The following GRID2 variants were observed in gnomAD, a reference collection of about 807,000 sequenced individuals.
GRID2 encodes glutamate ionotropic receptor delta type subunit 2.
A neutral mutation model predicts 114.8 loss-of-function variants in GRID2; 33 were observed. The ratio of observed to expected loss-of-function variants is 0.29; its 90% CI spans 0.22 to 0.38. GRID2 has a LOEUF of 0.38. Among genes scored for constraint, GRID2 ranks in the 10% least tolerant of loss-of-function variants. The pLI, the probability that GRID2 is intolerant of heterozygous loss-of-function variation, is 1.00. For synonymous variants in GRID2, 505 were observed against 449.9 expected, an observed-to-expected ratio of 1.12 and a Z score of -1.55; for missense variants, 1,184 against 1,257.7, an observed-to-expected ratio of 0.94 and a Z score of 0.89.
chr4:92,538,462 C>G (rs1467522651), intron 1 of GRID2, among the ~76,000 whole-genome samples: 1 of 152,028 alleles, frequency 6.6e-6, no homozygotes, highest in Admixed American at 6.6e-5. Context: ...TGTAAGAAAA[C>G]AAAACAAAGG....
chr4:92,642,463 C>G (rs889445720), intron 2 of GRID2, among the ~76,000 whole-genome samples: 1 of 151,788 alleles, frequency 6.6e-6, no homozygotes, highest in Non-Finnish European at 1.5e-5. Context: ...ATGTCCTTTT[C>G]CCATTTTTAA....
At chr4:92,312,343 T>C (rs1725751061) in intron 1 of GRID2, among the ~76,000 whole-genome samples, 1 of 152,094 alleles carries the variant, frequency 6.6e-6, no homozygotes, top group Non-Finnish European at 1.5e-5. Flanking sequence ...CATTCTTTGC[T>C]TAAGTGCACT....
intron 8 of GRID2, among the ~76,000 whole-genome samples, chr4:93,379,596 A>G (rs1763672195): frequency 6.6e-6 from 1 of 152,146 alleles, no homozygotes. Flanking sequence ...TAAACTAATT[A>G]CAACATATTG....
chr4:93,345,099 T>C (rs1489874192), intron 8 of GRID2, among the ~76,000 whole-genome samples: 1 of 151,822 alleles, frequency 6.6e-6, no homozygotes, highest in East Asian at 1.9e-4. Context: ...CTATTGTAAA[T>C]AATGCTGCTG....
At chr4:93,593,125 G>C (rs1738587440) in intron 13 of GRID2, among the ~76,000 whole-genome samples, 1 of 151,454 alleles carries the variant, frequency 6.6e-6, no homozygotes, top group African/African-American at 2.4e-5. Flanking sequence ...TATTTTGCTT[G>C]TTAGTTGCAG....
chr4:92,791,985 C>T (rs1362767274), intron 2 of GRID2, among the ~76,000 whole-genome samples: 1 of 151,744 alleles, frequency 6.6e-6, no homozygotes, highest in Non-Finnish European at 1.5e-5. Context: ...TAAATAAACT[C>T]CAGGCTGTCT....
Position 93,772,638 on chromosome 4 carries a change from A to G in GRID2, c.*140A>G. 1 of 585,382 alleles carries G rather than the reference A, an allele frequency of 1.7e-6. No individual in the cohort carries two copies. Among genetic ancestry groups the G allele is most frequent in the Non-Finnish European group, 2.9e-6 (1 of 342,456 alleles). 36.3% of individuals were successfully genotyped at this position (585,382 alleles called of 1,614,324 possible). A position where few individuals can be genotyped will look rare whatever the true frequency, so the allele number is the denominator to read the frequency against. On this transcript the variant is annotated 3_prime_UTR_variant, in exon 16 of 16. Transcript: ENST00000282020. ...GTAACAATTCTAGTTTTTTCCTCCC[A>G]CCTTCTCCCTCTCCTCTCTCCTCTA...
chr4:92,469,861 A>G (rs1721948229), intron 1 of GRID2, among the ~76,000 whole-genome samples: 1 of 151,952 alleles, frequency 6.6e-6, no homozygotes, highest in South Asian at 2.1e-4. Flanking sequence ...GAAGTTTAGT[A>G]ACAGAGAAGA....
intron 2 of GRID2, among the ~76,000 whole-genome samples, chr4:93,024,060 T>G (rs1723650250): frequency 6.6e-6 from 1 of 151,882 alleles, no homozygotes; most frequent in Non-Finnish European, 1.5e-5. Flanking sequence ...AGTCTCTTAC[T>G]TTAACTATCT....
Position 93,545,427 on chromosome 4 carries a change from T to A in GRID2, c.2193+30016T>A, listed in dbSNP as rs145027608. Among the ~76,000 whole-genome samples, 1,307 of 152,208 alleles carry A rather than the reference T, an allele frequency of 8.6e-3. 10 individuals are homozygous for A. The highest frequency in any genetic ancestry group is 0.014 in the Middle Eastern group (4 of 294). ...TCAAGACCCAGAGACAAGAATGAGT[T>A]TGTCATATGCTAGGGGCAGGAAGAG... On this transcript the variant is annotated intron_variant, in intron 13 of 15. Transcript: ENST00000282020.
At chr4:92,712,919 A>T (rs1024143495) in intron 2 of GRID2, among the ~76,000 whole-genome samples, 1 of 152,102 alleles carries the variant, frequency 6.6e-6, no homozygotes, top group African/African-American at 2.4e-5. Flanking sequence ...GGGATAGAGG[A>T]ATGTTGAAAG....
intron 13 of GRID2, among the ~76,000 whole-genome samples, chr4:93,526,927 A>G (rs1041251659): frequency 6.6e-6 from 1 of 152,224 alleles, no homozygotes; most frequent in Non-Finnish European, 1.5e-5. Flanking sequence ...TTGACTTTTT[A>G]AAAAATAAAA....
intron 2 of GRID2, among the ~76,000 whole-genome samples, chr4:92,625,583 C>T (rs1730481205): frequency 6.6e-6 from 1 of 151,660 alleles, no homozygotes; most frequent in Non-Finnish European, 1.5e-5. Flanking sequence ...TTAAAAAAAC[C>T]CAACCAATCA....
chr4:93,002,646 T>G (rs1417190871), intron 2 of GRID2, among the ~76,000 whole-genome samples: 1 of 151,832 alleles, frequency 6.6e-6, no homozygotes, highest in African/African-American at 2.4e-5. Context: ...CCCCCGGTAC[T>G]TGAAAGTAGT....
chr4:92,453,027 A>G (rs1350439120), intron 1 of GRID2, among the ~76,000 whole-genome samples: 2 of 151,496 alleles, frequency 1.3e-5, no homozygotes, highest in Non-Finnish European at 2.9e-5. Context: ...TTTTCTACTT[A>G]TGAATATGTG....
intron 8 of GRID2, among the ~76,000 whole-genome samples, chr4:93,307,397 T>C (rs1293424254): frequency 3.0e-5 from 4 of 134,556 alleles, no homozygotes. Flanking sequence ...TTTCTCGTCA[T>C]TTTTTTTTTC....
chr4:93,324,570 T>A (rs1298613714), intron 8 of GRID2, among the ~76,000 whole-genome samples: 1 of 152,164 alleles, frequency 6.6e-6, no homozygotes, highest in Non-Finnish European at 1.5e-5. Context: ...TAGGGAGGAT[T>A]CCCTCTTTTT....
At chr4:92,792,742 G>A (rs1420284557) in intron 2 of GRID2, among the ~76,000 whole-genome samples, 4 of 151,728 alleles carry the variant, frequency 2.6e-5, no homozygotes, top group Non-Finnish European at 5.9e-5. Context: ...TCCCACTTCT[G>A]CATAATGAGG....
chr4:92,820,288 A>T (rs1741188257), intron 2 of GRID2, among the ~76,000 whole-genome samples: 2 of 152,256 alleles, frequency 1.3e-5, no homozygotes, highest in Middle Eastern at 6.8e-3. Flanking sequence ...ACTAAGAATT[A>T]ATATGTAGGC....
Sources: allele counts gnomAD v4.1 joint callset (sites outside exome capture counted in the v4.1 genomes callset), GRCh38; gene constraint gnomAD v4.1.1; transcripts MANE v1.5; gene names NCBI Gene and HGNC (gene_info 2026-07-23, HGNC 2026-07-21).